Variants in OSBPL10 observed in about 807,000 individuals in gnomAD.
OSBPL10 encodes the protein oxysterol-binding protein-related protein 10.
A neutral mutation model predicts 81.7 loss-of-function variants in OSBPL10; 49 were observed. The ratio of observed to expected loss-of-function variants is 0.60; its 90% CI spans 0.48 to 0.76. The LOEUF is 0.76. Among genes scored for constraint, OSBPL10 ranks in the 30% least tolerant of loss-of-function variants. The probability of loss-of-function intolerance (pLI) is 0.00; values close to 1 mark genes in which losing one functional copy is unlikely to be tolerated. For missense variants in OSBPL10, 923 were observed against 987.8 expected (o/e 0.93, Z 0.88); for synonymous variants, 419 against 383.6 (o/e 1.09, Z -1.08).
chr3:32,070,655 C>T (rs1441452615), intron 1 of OSBPL10, among the ~76,000 whole-genome samples: 1 of 152,222 alleles, frequency 6.6e-6, no homozygotes, highest in Non-Finnish European at 1.5e-5. Flanking sequence ...TATAAATTCT[C>T]CTTCCAATTC....
chr3:31,898,029 A>G (rs1195971892), intron 1 of OSBPL10, among the ~76,000 whole-genome samples: 2 of 116,346 alleles, frequency 1.7e-5, no homozygotes, highest in African/African-American at 9.3e-5. Context: ...AAAAAAAAAA[A>G]AAAAAAAACA....
chr3:31,882,709 C>T (rs918066967), intron 1 of OSBPL10, among the ~76,000 whole-genome samples: 1 of 152,162 alleles, frequency 6.6e-6, no homozygotes, highest in Non-Finnish European at 1.5e-5. Flanking sequence ...AGACAACCTA[C>T]AGCACAACTT....
At chr3:31,765,517 TG>T (rs1698170250) in intron 4 of OSBPL10, among the ~76,000 whole-genome samples, 1 of 151,950 alleles carries the variant, frequency 6.6e-6, no homozygotes, top group African/African-American at 2.4e-5. Context: ...AATGAATGAA[TG>T]AATATACAAA....
At chr3:31,810,200 T>C (rs948694192) in intron 4 of OSBPL10, among the ~76,000 whole-genome samples, 1 of 152,090 alleles carries the variant, frequency 6.6e-6, no homozygotes, top group Non-Finnish European at 1.5e-5. Flanking sequence ...AAATTTCTTA[T>C]TTAAAAAAAG....
At chr3:31,997,858 A>G (rs1453456770) in intron 2 of OSBPL10, among the ~76,000 whole-genome samples, 1 of 151,968 alleles carries the variant, frequency 6.6e-6, no homozygotes, top group Non-Finnish European at 1.5e-5. Flanking sequence ...CACAATCCCA[A>G]CTCATGGCAG....
intron 4 of OSBPL10, among the ~76,000 whole-genome samples, chr3:31,805,794 A>C (rs189637062): frequency 9.2e-5 from 14 of 152,306 alleles, no homozygotes; most frequent in Admixed American, 6.5e-4. Flanking sequence ...GGCAGGCCTC[A>C]CAAGATAACC....
intron 2 of OSBPL10, 36 bp downstream of exon 2, chr3:31,879,619 A>G: frequency 6.3e-7 from 1 of 1,575,126 alleles, no homozygotes; most frequent in Non-Finnish European, 8.6e-7. Flanking sequence ...TAGCAACTAG[A>G]GGCCTGTCTG....
Position 31,959,771 on chromosome 3 carries a change from A to G in OSBPL10, c.281+21128T>C, listed in dbSNP as rs1698108750. On this transcript the variant is annotated intron_variant, in intron 1 of 11. Coordinates refer to ENST00000396556, the MANE Select transcript of OSBPL10 (RefSeq NM_017784.5). The stretch of plus-strand genomic sequence containing the variant: ...GAATTAAATGTCATCTATTTGAGGC[A>G]GTTTCCTCACCTGTAAAACAGAACT... Among the ~76,000 whole-genome samples the G allele has an allele frequency of 3.3e-5, 5 of 152,198 alleles. No individual in the cohort carries two copies. The South Asian group carries it at 1.0e-3, about 32-fold the overall frequency.
Position 31,988,907 on chromosome 3 carries a change from C to CT in OSBPL10, n.298+57583dup. 3 of 770,700 alleles carry CT rather than the reference C, an allele frequency of 3.9e-6. No individual in the cohort carries two copies. In the South Asian group the frequency reaches 5.7e-5, roughly 15 times the overall value. 47.7% of individuals were successfully genotyped at this position (770,700 alleles called of 1,614,324 possible). On this transcript the variant is annotated intron_variant and non_coding_transcript_variant, in intron 2 of 3. Coordinates refer to the OSBPL10 transcript ENST00000479173. ...GAGACACTGAGCCAGGAACACCCAGCTGAAGTGCCTCCAAACCCCGACCCA... is the reference window on the plus strand; with the variant it reads ...GAGACACTGAGCCAGGAACACCCAGCTTGAAGTGCCTCCAAACCCCGACCCA...
intron 4 of OSBPL10, among the ~76,000 whole-genome samples, chr3:31,827,861 A>G (rs1700138841): frequency 6.6e-6 from 1 of 152,192 alleles, no homozygotes; most frequent in African/African-American, 2.4e-5. Flanking sequence ...ACACCCATAC[A>G]CAAAAGCCAT....
chr3:31,989,652 G>C (rs111849538), intron 2 of OSBPL10: 1 of 1,614,036 alleles, frequency 6.2e-7, no homozygotes, highest in Non-Finnish European at 8.5e-7. Flanking sequence ...CAGTTCTAAC[G>C]TCCCAAAGAA....
intron 1 of OSBPL10, among the ~76,000 whole-genome samples, chr3:31,915,397 G>A (rs1696725299): frequency 6.6e-6 from 1 of 152,062 alleles, no homozygotes; most frequent in South Asian, 2.1e-4. Context: ...TATATAAAAT[G>A]TGGTACACAT....
intron 10 of OSBPL10, among the ~76,000 whole-genome samples, chr3:31,667,622 A>G (rs1264034647): frequency 6.6e-6 from 1 of 152,216 alleles, no homozygotes; most frequent in Non-Finnish European, 1.5e-5. Context: ...GTATGCTCTT[A>G]GATTAGAGCA....
At chr3:31,924,637 T>C (rs1697019491) in intron 1 of OSBPL10, among the ~76,000 whole-genome samples, 1 of 152,182 alleles carries the variant, frequency 6.6e-6, no homozygotes, top group South Asian at 2.1e-4. Flanking sequence ...CTTGAGTGAC[T>C]TGACTTGAAT....
At chr3:31,902,232 G>A (rs931803068) in intron 1 of OSBPL10, among the ~76,000 whole-genome samples, 1 of 149,936 alleles carries the variant, frequency 6.7e-6, no homozygotes, top group Non-Finnish European at 1.5e-5. Flanking sequence ...CACATATACA[G>A]TACTAAGAGG....
At position 31,807,374 on chromosome 3, in the gene OSBPL10, AAAAT is replaced by A. The variant is rs536299438; in HGVS notation, c.729+22662_729+22665del. ...GGCGACAGAGCAAGACTGTCTCAGA[AAAAT>A]AAATAAATAAATAAATAAATAAATA... On this transcript the variant is annotated intron_variant, in intron 4 of 11. Coordinates refer to ENST00000396556, the MANE Select transcript of OSBPL10 (RefSeq NM_017784.5). Among the ~76,000 whole-genome samples, 732 of 137,414 alleles carry A rather than the reference AAAAT, an allele frequency of 5.3e-3. 3 individuals carry two copies. The highest frequency in any genetic ancestry group is 0.018 in the African/African-American group (672 of 37,910). The allele number at this position is 137,414 out of a possible 152,430, so 90.1% of individuals were successfully genotyped here. A position where few individuals can be genotyped will look rare whatever the true frequency, so the allele number is the denominator to read the frequency against.
chr3:31,761,136 T>A (rs923621816), intron 4 of OSBPL10, among the ~76,000 whole-genome samples: 6 of 152,220 alleles, frequency 3.9e-5, no homozygotes, highest in African/African-American at 1.4e-4. Context: ...TTTATTGTTT[T>A]AATTCATTGT....
intron 8 of OSBPL10, 29 bp downstream of exon 8, chr3:31,683,605 G>A (rs1359824974): frequency 3.1e-6 from 5 of 1,594,722 alleles, no homozygotes; most frequent in Non-Finnish European, 3.4e-6. Flanking sequence ...CTGTGTAAGA[G>A]CCAAACTCCA....
chr3:31,820,104 TTCTTG>T (rs1699943016), intron 4 of OSBPL10, among the ~76,000 whole-genome samples: 1 of 152,192 alleles, frequency 6.6e-6, no homozygotes, highest in South Asian at 2.1e-4. Flanking sequence ...ATGCCTCAGT[TTCTTG>T]TCTTAATATA....
Sources: allele counts gnomAD v4.1 joint callset (sites outside exome capture counted in the v4.1 genomes callset), GRCh38; gene constraint gnomAD v4.1.1; transcripts MANE v1.5; gene names NCBI Gene and HGNC (gene_info 2026-07-23, HGNC 2026-07-21).